Variants in ERC1 observed in about 807,000 individuals in gnomAD.
ERC1 encodes ELKS/RAB6-interacting/CAST family member 1, also known as RAB6 interacting protein 2.
A neutral mutation model predicts 132.0 loss-of-function variants in ERC1; 56 were observed. The observed-to-expected ratio is 0.42, with a 90% confidence interval of 0.34 to 0.53. The LOEUF is 0.53. Ranked by LOEUF, ERC1 falls within the 20% of genes least tolerant of loss-of-function variation. The pLI, the probability that ERC1 is intolerant of heterozygous loss-of-function variation, is 0.03. For missense variants in ERC1, 1,202 were observed against 1,349.9 expected (o/e 0.89, Z 1.72); for synonymous variants, 478 against 476.1 (o/e 1.00, Z -0.05).
intron 17 of ERC1, among the ~76,000 whole-genome samples, chr12:1,415,317 G>C (rs553568440): frequency 6.6e-6 from 1 of 152,166 alleles, no homozygotes. Context: ...GTTGGTCTTG[G>C]TATAAGAACA....
intron 18 of ERC1, among the ~76,000 whole-genome samples, chr12:1,480,116 T>C (rs2094058234): frequency 6.6e-6 from 1 of 150,758 alleles, no homozygotes; most frequent in African/African-American, 2.4e-5. Flanking sequence ...TTAAATAAAA[T>C]CTTGCAGTGC....
intron 15 of ERC1, among the ~76,000 whole-genome samples, chr12:1,311,782 A>G (rs1418078842): frequency 6.6e-6 from 1 of 152,174 alleles, no homozygotes; most frequent in Non-Finnish European, 1.5e-5. Flanking sequence ...TTTTCTGGCT[A>G]TTTCACTTGA....
At chr12:1,225,474 A>T (rs2074502362) in intron 12 of ERC1, among the ~76,000 whole-genome samples, 1 of 151,622 alleles carries the variant, frequency 6.6e-6, no homozygotes, top group South Asian at 2.1e-4. Flanking sequence ...ACACACACAC[A>T]CACACACACA....
intron 18 of ERC1, among the ~76,000 whole-genome samples, chr12:1,476,249 C>T (rs1238840947): frequency 6.7e-6 from 1 of 149,500 alleles, no homozygotes; most frequent in Non-Finnish European, 1.5e-5. Context: ...GAGCAAGACT[C>T]CATCTCAAAA....
chr12:1,463,960 A>G (rs751338462), intron 18 of ERC1, among the ~76,000 whole-genome samples: 2 of 151,948 alleles, frequency 1.3e-5, no homozygotes, highest in Non-Finnish European at 2.9e-5. Context: ...GGTCCGGGGG[A>G]AGACAGGGTA....
At chr12:1,058,185 G>A (rs1251804554) in intron 2 of ERC1, among the ~76,000 whole-genome samples, 1 of 152,012 alleles carries the variant, frequency 6.6e-6, no homozygotes, top group Non-Finnish European at 1.5e-5. Context: ...AGCTTTTTAA[G>A]TTTGTTATAG....
intron 18 of ERC1, among the ~76,000 whole-genome samples, chr12:1,452,981 T>C (rs1045397647): frequency 6.6e-5 from 10 of 152,284 alleles, no homozygotes; most frequent in Admixed American, 3.9e-4. Context: ...GTGGTGCCGA[T>C]GTTTCTGTTT....
intron 17 of ERC1, among the ~76,000 whole-genome samples, chr12:1,417,189 A>G (rs986960214): frequency 5.9e-5 from 9 of 152,150 alleles, no homozygotes; most frequent in African/African-American, 2.2e-4. Flanking sequence ...GAAATTTAAA[A>G]TCTTCATTTC....
chr12:1,194,421 A>C (rs1956028619), intron 12 of ERC1, among the ~76,000 whole-genome samples: 1 of 152,140 alleles, frequency 6.6e-6, no homozygotes, highest in Admixed American at 6.5e-5. Flanking sequence ...ACTCTGTCTC[A>C]AAAAATGAAT....
chr12:990,755 C>G (rs564546665), upstream of ERC1: 7 of 152,004 alleles, frequency 4.6e-5, no homozygotes, highest in East Asian at 1.2e-3. Flanking sequence ...CGGCGCTTGG[C>G]TGCCCCGGGC....
intron 15 of ERC1, among the ~76,000 whole-genome samples, chr12:1,306,416 T>G (rs2080887850): frequency 6.6e-6 from 1 of 152,228 alleles, no homozygotes. Context: ...GCTAATTTCC[T>G]GTGGAGATAA....
intron 15 of ERC1, among the ~76,000 whole-genome samples, chr12:1,347,046 T>G (rs989816641): frequency 1.3e-5 from 2 of 152,152 alleles, no homozygotes; most frequent in African/African-American, 4.8e-5. Flanking sequence ...GAGAAGGTAT[T>G]TAGAATTGTG....
At chr12:1,084,902 A>G (rs148101306) in intron 3 of ERC1, among the ~76,000 whole-genome samples, 3,056 of 151,748 alleles carry the variant, frequency 0.02, 57 homozygotes, top group Non-Finnish European at 0.033. Context: ...GAGTCTCCCT[A>G]TGTTGCCTAG....
At chr12:1,096,721 T>G (rs994117917) in intron 3 of ERC1, among the ~76,000 whole-genome samples, 1 of 152,210 alleles carries the variant, frequency 6.6e-6, no homozygotes, top group African/African-American at 2.4e-5. Context: ...TGATACAATA[T>G]GGAATGCATG....
chr12:1,400,830 A>C (rs781369133), intron 16 of ERC1, among the ~76,000 whole-genome samples: 2 of 149,862 alleles, frequency 1.3e-5, no homozygotes, highest in East Asian at 3.9e-4. Context: ...AGGTAAACCT[A>C]CTATTTACTG....
chr12:1,066,844 A>AC (rs1037023200), intron 2 of ERC1, among the ~76,000 whole-genome samples: 64 of 151,838 alleles, frequency 4.2e-4, no homozygotes, highest in African/African-American at 1.4e-3. Context: ...CTCAAAAAAA[A>AC]AAAAAAAAAA....
At chr12:1,039,198 G>A (rs946989458) in intron 2 of ERC1, among the ~76,000 whole-genome samples, 4 of 151,644 alleles carry the variant, frequency 2.6e-5, no homozygotes, top group African/African-American at 2.4e-5. Flanking sequence ...TTAGCTGGGC[G>A]TGGTGGTGGG....
chr12:1,260,207 G>C (rs1211463352), intron 13 of ERC1, among the ~76,000 whole-genome samples: 1 of 152,124 alleles, frequency 6.6e-6, no homozygotes, highest in Non-Finnish European at 1.5e-5. Context: ...CAGAATTCTA[G>C]ATTGGTAATC....
Position 1,263,058 on chromosome 12 carries a change from A to G in ERC1, c.2512A>G (p.Arg838Gly). 6.2e-7 allele frequency: 1 copy of G among 1,614,074 alleles called. No homozygotes were observed. The highest frequency in any genetic ancestry group is 8.5e-7 in the Non-Finnish European group (1 of 1,179,958). ...LQDSLRKKDD[R>G]IEELEEALRE... ...GGACAGTCTCCGTAAGAAGGATGACAGGATTGAAGAGCTGGAAGAAGCACT... is the reference window on the plus strand; with the variant it reads ...GGACAGTCTCCGTAAGAAGGATGACGGGATTGAAGAGCTGGAAGAAGCACT... Residue 838 changes from arginine to glycine, a missense_variant, in exon 14 of 19, where the codon AGG (arginine) becomes GGG (glycine). Transcript: ENST00000360905.
Sources: gnomAD v4.1 joint callset for allele counts (sites outside exome capture counted in the v4.1 genomes callset) on GRCh38, gnomAD v4.1.1 for gene constraint, MANE v1.5 for transcripts, NCBI Gene and HGNC (gene_info 2026-07-23, HGNC 2026-07-21) for gene names.